Variants in SEC14L1 observed in about 807,000 individuals in gnomAD.
SEC14L1 encodes the protein SEC14-like protein 1.
Under a neutral mutation model 85.3 loss-of-function variants are expected in SEC14L1, and 48 were observed. That is an observed-to-expected ratio of 0.56 (90% CI 0.45 to 0.72). The LOEUF is 0.72. Among genes scored for constraint, SEC14L1 ranks in the 30% least tolerant of loss-of-function variants. The pLI is 0.00. For missense variants in SEC14L1, 682 were observed against 921.4 expected, an observed-to-expected ratio of 0.74 and a Z score of 3.36; for synonymous variants, 391 against 355.5, an observed-to-expected ratio of 1.10 and a Z score of -1.12.
intron 3 of SEC14L1, among the ~76,000 whole-genome samples, chr17:77,148,439 C>T (rs1270604796): frequency 6.6e-6 from 1 of 152,156 alleles, no homozygotes; most frequent in Non-Finnish European, 1.5e-5. Context: ...GGAGTTGCCA[C>T]CCTGTCCAGT....
At chr17:77,111,422 T>C (rs1220394022) in intron 3 of SEC14L1, among the ~76,000 whole-genome samples, 1 of 149,982 alleles carries the variant, frequency 6.7e-6, no homozygotes, top group Non-Finnish European at 1.5e-5. Context: ...AGACAGAGTC[T>C]CGCTTTGTCG....
rs745921636 is a variant in SEC14L1 at position 77,204,522 on chromosome 17, CTTTTTTTTTTT to C, written c.1099-737_1099-727del. Among the ~76,000 whole-genome samples, 125 of 84,740 alleles carry C rather than the reference CTTTTTTTTTTT, an allele frequency of 1.5e-3. 1 individual carries two copies. The South Asian group carries it at 0.05, about 34-fold the overall frequency. The allele number at this position is 84,740 out of a possible 152,430, so 55.6% of individuals were successfully genotyped here. ...GGCTTGAGCCACCCTGCCCAGCCAG[CTTTTTTTTTTT>C]TTTTTTTTTTTTTTTTAAAGAGACA... On this transcript the variant is annotated intron_variant, in intron 10 of 16. Transcript: ENST00000436233.
chr17:77,163,000 G>T (rs1025507519), intron 3 of SEC14L1, among the ~76,000 whole-genome samples: 4 of 152,040 alleles, frequency 2.6e-5, no homozygotes, highest in African/African-American at 9.7e-5. Context: ...TATTGGCCAC[G>T]TACCAGGGAG....
Position 77,214,551 on chromosome 17 carries a change from C to T in SEC14L1, c.*528C>T, listed in dbSNP as rs1976943524. The stretch of plus-strand genomic sequence containing the variant: ...AGGGCCAGCCCTTGAGGTCCTTATC[C>T]TCTGAGGATTCAGAGGTTGCCTGCG... On this transcript the variant is annotated 3_prime_UTR_variant, in exon 17 of 17. Transcript: ENST00000436233. The T allele has an allele frequency of 4.0e-6, 4 of 991,312 alleles. No homozygotes were observed. Among genetic ancestry groups the T allele is most frequent in the Non-Finnish European group, 4.8e-6 (4 of 833,338 alleles). 61.4% of individuals were successfully genotyped at this position (991,312 alleles called of 1,614,324 possible). A position where few individuals can be genotyped will look rare whatever the true frequency, so the allele number is the denominator to read the frequency against.
intron 3 of SEC14L1, among the ~76,000 whole-genome samples, chr17:77,107,445 A>G (rs1303578053): frequency 1.3e-5 from 2 of 152,230 alleles, no homozygotes; most frequent in Non-Finnish European, 2.9e-5. Context: ...ATGGAAAAAA[A>G]TTCAAAAGTA....
intron 3 of SEC14L1, among the ~76,000 whole-genome samples, chr17:77,148,742 A>G (rs995613046): frequency 5.3e-5 from 8 of 152,130 alleles, no homozygotes; most frequent in Non-Finnish European, 8.8e-5. Context: ...GCGCACTCAC[A>G]TCTTTCATCC....
chr17:77,117,291 G>A (rs1194007467), intron 3 of SEC14L1, among the ~76,000 whole-genome samples: 1 of 152,116 alleles, frequency 6.6e-6, no homozygotes, highest in African/African-American at 2.4e-5. Context: ...AGGTTGCAGT[G>A]AGCCAAGATC....
intron 3 of SEC14L1, among the ~76,000 whole-genome samples, chr17:77,108,865 C>T (rs1373071924): frequency 6.6e-6 from 1 of 151,086 alleles, no homozygotes; most frequent in Non-Finnish European, 1.5e-5. Flanking sequence ...TTCTGTCACC[C>T]AGGCTGAACT....
intron 3 of SEC14L1, among the ~76,000 whole-genome samples, chr17:77,126,729 C>T (rs1972457965): frequency 1.3e-5 from 2 of 152,188 alleles, no homozygotes; most frequent in African/African-American, 4.8e-5. Context: ...TTTCTCAAAG[C>T]CCAGAGTCTA....
intron 3 of SEC14L1, among the ~76,000 whole-genome samples, chr17:77,155,665 A>G (rs886533341): frequency 6.6e-6 from 1 of 152,234 alleles, no homozygotes; most frequent in African/African-American, 2.4e-5. Context: ...AGAGATCGGT[A>G]CATTGTAAAC....
rs1431546108 is a variant in SEC14L1, at chr17:77,089,231, G to A, written c.-280G>A. 5 of 342,914 alleles carry A rather than the reference G, an allele frequency of 1.5e-5. No homozygotes were observed. In the Admixed American group the frequency reaches 1.8e-4, roughly 12 times the overall value. 21.2% of individuals were successfully genotyped at this position (342,914 alleles called of 1,614,324 possible). On this transcript the variant is annotated 5_prime_UTR_variant, in exon 2 of 20. Coordinates refer to the SEC14L1 transcript ENST00000392476. ...AACCACTATTTTCTTCCTGCCCCTC[G>A]TTGATGAGAGCATTCGAAGTGACCT...
At chr17:77,169,581 C>T (rs1021140353) in intron 3 of SEC14L1, among the ~76,000 whole-genome samples, 2 of 152,178 alleles carry the variant, frequency 1.3e-5, no homozygotes, top group African/African-American at 4.8e-5. Context: ...GTATCCTGTT[C>T]TAAGCACTAA....
chr17:77,211,962 A>G lies in SEC14L1; in HGVS notation c.1624A>G (p.Ile542Val). Residue 542 changes from isoleucine to valine, a missense_variant, in exon 15 of 17, where the codon ATT (isoleucine) becomes GTT (valine). Physicochemically the swap from Ile to Val is conservative, Grantham distance 29. Transcript: ENST00000436233. ...GCCTCTTTTTCAGATTCTCATTCAG[A>G]TTGTGGATGCCTCGTCAGTCATCAC... ...KGAPHEILIQIVDASSVITWD... is the reference protein window; with the variant it reads ...KGAPHEILIQVVDASSVITWD... The G allele has an allele frequency of 6.2e-7, 1 of 1,614,000 alleles. No homozygotes were observed. The highest frequency in any genetic ancestry group is 8.5e-7 in the Non-Finnish European group (1 of 1,179,992).
intron 3 of SEC14L1, among the ~76,000 whole-genome samples, chr17:77,167,739 C>T (rs780394527): frequency 1.9e-4 from 29 of 152,064 alleles, no homozygotes; most frequent in Admixed American, 3.9e-4. Context: ...GTGAGCAAGG[C>T]GGGAAGTTTT....
intron 3 of SEC14L1, among the ~76,000 whole-genome samples, chr17:77,132,798 C>T (rs142440509): frequency 6.2e-4 from 94 of 151,818 alleles, no homozygotes; most frequent in Non-Finnish European, 8.4e-4. Context: ...TTGTCACTTG[C>T]CTTCCACTGT....
At chr17:77,190,398 T>A (rs1402234299) in intron 3 of SEC14L1, among the ~76,000 whole-genome samples, 1 of 152,236 alleles carries the variant, frequency 6.6e-6, no homozygotes, top group East Asian at 1.9e-4. Context: ...TAATACTAGA[T>A]GGTCTTGATT....
At chr17:77,166,858 AAAAC>A (rs1032246128) in intron 3 of SEC14L1, among the ~76,000 whole-genome samples, 1 of 152,144 alleles carries the variant, frequency 6.6e-6, no homozygotes. Flanking sequence ...AAACAAGAAA[AAAAC>A]AAAAATAAAT....
chr17:77,192,868 C>T (rs1207248462), intron 5 of SEC14L1, among the ~76,000 whole-genome samples: 1 of 152,116 alleles, frequency 6.6e-6, no homozygotes, highest in Non-Finnish European at 1.5e-5. Flanking sequence ...TGCTCTGTTG[C>T]CCAGGCTGGT....
chr17:77,176,478 TTGTC>T (rs1974764445), intron 3 of SEC14L1, among the ~76,000 whole-genome samples: 2 of 152,226 alleles, frequency 1.3e-5, no homozygotes, highest in Admixed American at 1.3e-4. Context: ...GCCTAGGCAT[TTGTC>T]TGCCTCCTGC....
Sources: gnomAD v4.1 joint callset for allele counts (sites outside exome capture counted in the v4.1 genomes callset) on GRCh38, gnomAD v4.1.1 for gene constraint, MANE v1.5 for transcripts, NCBI Gene and HGNC (gene_info 2026-07-23, HGNC 2026-07-21) for gene names.